GALNT17: variants seen among roughly 807,000 people sequenced by gnomAD.
GALNT17 encodes the protein polypeptide N-acetylgalactosaminyltransferase 17.
GALNT17 carries 29 observed loss-of-function variants against 63.7 expected under a neutral mutation model. That is an observed-to-expected ratio of 0.46 (90% CI 0.34 to 0.62). GALNT17 has a LOEUF of 0.62. Among genes scored for constraint, GALNT17 ranks in the 20% least tolerant of loss-of-function variants. The probability of loss-of-function intolerance (pLI) is 0.01; values close to 1 mark genes in which losing one functional copy is unlikely to be tolerated. For synonymous variants in GALNT17, 305 were observed against 318.3 expected (o/e 0.96, Z 0.45); for missense variants, 603 against 799.6 (o/e 0.75, Z 2.97).
intron 1 of GALNT17, among the ~76,000 whole-genome samples, chr7:71,245,976 A>G (rs1026868912): frequency 1.8e-4 from 28 of 151,740 alleles, no homozygotes; most frequent in Non-Finnish European, 3.7e-4. Context: ...TTGGAAGTAC[A>G]TACTCCGAGC....
At chr7:71,404,135 G>T (rs1388689113) in intron 3 of GALNT17, among the ~76,000 whole-genome samples, 3 of 152,146 alleles carry the variant, frequency 2.0e-5, no homozygotes, top group African/African-American at 7.2e-5. Flanking sequence ...ATGTTTCCTT[G>T]TAGGTTTGGG....
At chr7:71,230,082 G>A (rs1432784975) in intron 1 of GALNT17, among the ~76,000 whole-genome samples, 2 of 152,168 alleles carry the variant, frequency 1.3e-5, no homozygotes, top group Non-Finnish European at 2.9e-5. Flanking sequence ...GTGAGAGGAT[G>A]GAGGGGTTTG....
chr7:71,386,665 A>G (rs1792951075), intron 2 of GALNT17, among the ~76,000 whole-genome samples: 1 of 152,090 alleles, frequency 6.6e-6, no homozygotes, highest in East Asian at 1.9e-4. Context: ...GATGAGAGGA[A>G]TTCTTCCCTT....
intron 1 of GALNT17, among the ~76,000 whole-genome samples, chr7:71,151,147 T>C (rs1405358826): frequency 6.6e-6 from 1 of 152,178 alleles, no homozygotes; most frequent in Non-Finnish European, 1.5e-5. Context: ...ATGGACTAAT[T>C]CAGTTAGGTA....
chr7:71,471,957 T>C lies in GALNT17; in HGVS notation c.962+50852T>C, dbSNP rs149749213. 7.3e-3 allele frequency among the ~76,000 whole-genome samples: 1,108 copies of C among 152,016 alleles called. 13 individuals are homozygous for C. Among genetic ancestry groups the C allele is most frequent in the Admixed American group, 0.012 (184 of 15,236 alleles). On this transcript the variant is annotated intron_variant, in intron 5 of 10. Transcript: ENST00000333538. ...TTTTTTTTTTTAATGTAGGTTGTTA[T>C]CTTACTCATTTTGGGCTGCTGTAAC...
At chr7:71,379,889 G>A (rs10235834) in intron 2 of GALNT17, among the ~76,000 whole-genome samples, 1 of 151,962 alleles carries the variant, frequency 6.6e-6, no homozygotes, top group Non-Finnish European at 1.5e-5. Flanking sequence ...TATGAAGAGA[G>A]AACAGTGAAG....
intron 6 of GALNT17, among the ~76,000 whole-genome samples, chr7:71,590,814 G>A (rs1015399923): frequency 3.3e-5 from 5 of 151,510 alleles, no homozygotes; most frequent in South Asian, 4.2e-4. Context: ...TGGAACCTCC[G>A]CCTCCTGAGT....
At chr7:71,290,744 T>G (rs1008465945) in intron 1 of GALNT17, among the ~76,000 whole-genome samples, 2 of 152,230 alleles carry the variant, frequency 1.3e-5, no homozygotes, top group Admixed American at 6.5e-5. Context: ...TTGCATGTAT[T>G]ATTCCATTCT....
At chr7:71,364,969 C>A (rs1300640594) in intron 2 of GALNT17, among the ~76,000 whole-genome samples, 5 of 150,550 alleles carry the variant, frequency 3.3e-5, no homozygotes, top group Non-Finnish European at 5.9e-5. Context: ...CTCACTCTGT[C>A]CCCCAGGCTG....
At chr7:71,525,331 C>T (rs1011757562) in intron 5 of GALNT17, among the ~76,000 whole-genome samples, 6 of 151,874 alleles carry the variant, frequency 4.0e-5, no homozygotes, top group Non-Finnish European at 7.4e-5. Flanking sequence ...TGTACAGGCC[C>T]GCCACCATGC....
At chr7:71,396,372 T>A (rs79737802) in intron 3 of GALNT17, among the ~76,000 whole-genome samples, 18,404 of 152,138 alleles carry the variant, frequency 0.12, 2,508 homozygotes, top group African/African-American at 0.34. Context: ...TGTTCAAGAG[T>A]CCAATTTTTC....
At chr7:71,622,659 T>C (rs1790314041) in intron 6 of GALNT17, among the ~76,000 whole-genome samples, 2 of 152,180 alleles carry the variant, frequency 1.3e-5, no homozygotes, top group Admixed American at 6.5e-5. Flanking sequence ...TCTGGATTGA[T>C]CTCTGTCACT....
chr7:71,553,090 C>T (rs979830571), intron 5 of GALNT17, among the ~76,000 whole-genome samples: 1 of 152,016 alleles, frequency 6.6e-6, no homozygotes, highest in East Asian at 1.9e-4. Context: ...TTTGGGAGGC[C>T]AAGGTGGGCG....
At chr7:71,464,045 C>T (rs1450572788) in intron 5 of GALNT17, among the ~76,000 whole-genome samples, 2 of 152,146 alleles carry the variant, frequency 1.3e-5, no homozygotes, top group East Asian at 1.9e-4. Flanking sequence ...TGCTCTGATT[C>T]GAATGCCTCT....
chr7:71,229,488 G>A (rs1036396782), intron 1 of GALNT17, among the ~76,000 whole-genome samples: 7 of 152,226 alleles, frequency 4.6e-5, no homozygotes, highest in Non-Finnish European at 8.8e-5. Flanking sequence ...GCATGGTTTG[G>A]TGGTGGTTGT....
intron 6 of GALNT17, among the ~76,000 whole-genome samples, chr7:71,639,304 G>A (rs1316968313): frequency 6.6e-6 from 1 of 152,182 alleles, no homozygotes; most frequent in East Asian, 1.9e-4. Flanking sequence ...ATGGCACTTG[G>A]TGATTTGATG....
At chr7:71,606,390 G>A (rs1032814408) in intron 6 of GALNT17, among the ~76,000 whole-genome samples, 5 of 152,208 alleles carry the variant, frequency 3.3e-5, no homozygotes, top group African/African-American at 7.2e-5. Context: ...TTCACACAAG[G>A]AGTGTAAAGG....
chr7:71,520,379 T>A (rs1470913642), intron 5 of GALNT17, among the ~76,000 whole-genome samples: 1 of 151,888 alleles, frequency 6.6e-6, no homozygotes, highest in African/African-American at 2.4e-5. Context: ...CAAAATTAGC[T>A]GGGTGTGGTG....
At chr7:71,232,019 A>G (rs1244223134) in intron 1 of GALNT17, among the ~76,000 whole-genome samples, 1 of 152,182 alleles carries the variant, frequency 6.6e-6, no homozygotes, top group Non-Finnish European at 1.5e-5. Flanking sequence ...GAGGGTCTTT[A>G]GTAGCTTCAG....
Sources: allele counts gnomAD v4.1 joint callset (sites outside exome capture counted in the v4.1 genomes callset), GRCh38; gene constraint gnomAD v4.1.1; transcripts MANE v1.5; gene names NCBI Gene and HGNC (gene_info 2026-07-23, HGNC 2026-07-21).